The following SLC26A7 variants were observed in gnomAD, a reference collection of about 807,000 sequenced individuals.
SLC26A7 encodes anion exchange transporter.
A neutral mutation model predicts 82.5 loss-of-function variants in SLC26A7; 59 were observed. That is an observed-to-expected ratio of 0.72 (90% CI 0.58 to 0.89). SLC26A7 has a LOEUF of 0.89. Ranked by LOEUF, SLC26A7 falls within the 40% of genes least tolerant of loss-of-function variation. SLC26A7 has a pLI of 0.00. For missense variants in SLC26A7, 820 were observed against 793.0 expected, an observed-to-expected ratio of 1.03 and a Z score of -0.41; for synonymous variants, 271 against 274.3, an observed-to-expected ratio of 0.99 and a Z score of 0.12.
At chr8:91,286,292 T>C (rs539636612) in intron 2 of SLC26A7, among the ~76,000 whole-genome samples, 104 of 152,350 alleles carry the variant, frequency 6.8e-4, no homozygotes, top group Non-Finnish European at 1.4e-3. Context: ...CCTGAGACTA[T>C]TGGTGATTTT....
intron 2 of SLC26A7, among the ~76,000 whole-genome samples, chr8:91,262,445 C>T (rs1810994852): frequency 1.3e-5 from 2 of 152,080 alleles, no homozygotes; most frequent in Admixed American, 6.6e-5. Context: ...TTCTACCCAG[C>T]GTCTGAGCAG....
intron 10 of SLC26A7, 100 bp from the exon 11 acceptor site, chr8:91,352,801 T>A (rs915283119): frequency 3.4e-6 from 3 of 869,818 alleles, no homozygotes; most frequent in East Asian, 5.5e-5. Context: ...TTTTCTCTAT[T>A]AAGTACTTTA....
At chr8:91,305,853 T>G (rs532121000) in intron 4 of SLC26A7, among the ~76,000 whole-genome samples, 1 of 152,304 alleles carries the variant, frequency 6.6e-6, no homozygotes, top group Non-Finnish European at 1.5e-5. Flanking sequence ...ACTTTTTCCT[T>G]TTTCCTTTAC....
At chr8:91,322,136 A>C (rs570742476) in intron 5 of SLC26A7, among the ~76,000 whole-genome samples, 62 of 152,332 alleles carry the variant, frequency 4.1e-4, no homozygotes, top group African/African-American at 1.5e-3. Context: ...ATAACAAAAC[A>C]AACTTATGTG....
chr8:91,228,289 G>A (rs534259487), intron 2 of SLC26A7, among the ~76,000 whole-genome samples: 2 of 152,336 alleles, frequency 1.3e-5, no homozygotes, highest in African/African-American at 2.4e-5. Flanking sequence ...AGGTGTTGGC[G>A]AGTGAGGAAA....
chr8:91,275,115 G>A (rs1378656206), intron 2 of SLC26A7, among the ~76,000 whole-genome samples: 11 of 151,878 alleles, frequency 7.2e-5, no homozygotes, highest in Non-Finnish European at 1.0e-4. Context: ...AACAGAAAAA[G>A]AAAACAAACA....
At chr8:91,248,737 A>G (rs368826657), upstream of SLC26A7, among the ~76,000 whole-genome samples, 6 of 152,306 alleles carry the variant, frequency 3.9e-5, no homozygotes, top group South Asian at 1.2e-3. Flanking sequence ...TGAACCATAT[A>G]ACATTCCTCA....
intron 13 of SLC26A7, among the ~76,000 whole-genome samples, chr8:91,363,835 G>A (rs955005268): frequency 2.0e-5 from 3 of 151,900 alleles, no homozygotes; most frequent in Non-Finnish European, 2.9e-5. Flanking sequence ...TTCCATTACT[G>A]AGTTGCATAA....
intron 4 of SLC26A7, among the ~76,000 whole-genome samples, chr8:91,316,606 C>T (rs1043695400): frequency 5.9e-5 from 9 of 151,458 alleles, no homozygotes; most frequent in Non-Finnish European, 7.4e-5. Context: ...CTGTGCTGGG[C>T]TTGCCAACAA....
At chr8:91,333,231 T>G (rs1421770214) in intron 5 of SLC26A7, among the ~76,000 whole-genome samples, 1 of 152,190 alleles carries the variant, frequency 6.6e-6, no homozygotes, top group Non-Finnish European at 1.5e-5. Flanking sequence ...TGTTGTTCTT[T>G]TGGTTGACTT....
intron 4 of SLC26A7, among the ~76,000 whole-genome samples, chr8:91,303,561 T>C (rs577684991): frequency 1.3e-5 from 2 of 152,236 alleles, no homozygotes; most frequent in Non-Finnish European, 2.9e-5. Flanking sequence ...TATATGTTTG[T>C]GTCATAAATA....
intron 1 of SLC26A7, among the ~76,000 whole-genome samples, chr8:91,214,981 T>C (rs916622398): frequency 3.9e-5 from 6 of 152,028 alleles, no homozygotes; most frequent in Admixed American, 1.3e-4. Flanking sequence ...GTTCCTTTCT[T>C]CCATCTTCAA....
At chr8:91,366,468 TA>T (rs891030394) in intron 13 of SLC26A7, 111 bp from the exon 14 acceptor site, 82 of 1,178,292 alleles carry the variant, frequency 7.0e-5, no homozygotes, top group Non-Finnish European at 9.0e-5. Flanking sequence ...ATTTTAGTAA[TA>T]AAAATGTTAA....
At chr8:91,217,449 G>A (rs62526740) in intron 1 of SLC26A7, among the ~76,000 whole-genome samples, 11,655 of 152,174 alleles carry the variant, frequency 0.077, 711 homozygotes, top group African/African-American at 0.16. Flanking sequence ...TCTTTTGGGA[G>A]TAAAGGGAGA....
chr8:91,345,992 C>G (rs1813552627), intron 9 of SLC26A7, among the ~76,000 whole-genome samples: 1 of 152,140 alleles, frequency 6.6e-6, no homozygotes. Context: ...CTTCTCTTCT[C>G]TGTTCTGGAG....
chr8:91,274,550 G>A (rs562750426), intron 2 of SLC26A7, among the ~76,000 whole-genome samples: 1 of 152,108 alleles, frequency 6.6e-6, no homozygotes, highest in Admixed American at 6.6e-5. Context: ...GCAAGAGAGG[G>A]TGACCTCACT....
chr8:91,319,896 T>G (rs1339921183), intron 5 of SLC26A7, among the ~76,000 whole-genome samples: 2 of 152,212 alleles, frequency 1.3e-5, no homozygotes, highest in Non-Finnish European at 2.9e-5. Flanking sequence ...GCTGTGAGAA[T>G]GACATTGGTC....
Position 91,369,800 on chromosome 8 carries a change from T to C in SLC26A7, c.1642T>C (p.Leu548=), listed in dbSNP as rs527385181. 5.0e-6 allele frequency: 8 copies of C among 1,599,110 alleles called. No individual in the cohort carries two copies. The East Asian group carries it at 1.8e-4, about 37-fold the overall frequency. ...TTTATTTTAGTGTGAACAAAACACATTGCTTAATTCCCTATCCAATGGCAA... is the reference window on the plus strand; with the variant it reads ...TTTATTTTAGTGTGAACAAAACACACTGCTTAATTCCCTATCCAATGGCAA... The part of the protein sequence containing the change: ...DDISKCEQNT[L]LNSLSNGNCN... Residue 548 remains leucine (L), a synonymous_variant, in exon 15 of 19, where the codon TTG becomes CTG. Transcript: ENST00000276609.
chr8:91,396,898 A>G lies in SLC26A7; in HGVS notation c.*1801A>G, dbSNP rs1358306222. Reference sequence around the variant, plus strand: ...GTTAAGGAAAGTCAAAAATGAAAATATATTTTGCTGTGTATAAATTGATAT... The same window carrying G: ...GTTAAGGAAAGTCAAAAATGAAAATGTATTTTGCTGTGTATAAATTGATAT... On this transcript the variant is annotated 3_prime_UTR_variant, in exon 19 of 19. Coordinates refer to ENST00000276609, the MANE Select transcript of SLC26A7 (RefSeq NM_052832.4). 6.6e-6 allele frequency: 1 copy of G among 152,076 alleles called. No homozygotes were observed. The highest frequency in any genetic ancestry group is 2.4e-5 in the African/African-American group (1 of 41,444). The allele number at this position is 152,076 out of a possible 1,614,324, so 9.4% of individuals were successfully genotyped here. A position where few individuals can be genotyped will look rare whatever the true frequency, so the allele number is the denominator to read the frequency against.
Sources: gnomAD v4.1 joint callset for allele counts (sites outside exome capture counted in the v4.1 genomes callset) on GRCh38, gnomAD v4.1.1 for gene constraint, MANE v1.5 for transcripts, NCBI Gene and HGNC (gene_info 2026-07-23, HGNC 2026-07-21) for gene names.